The following ZNF609 variants were observed in gnomAD, a reference collection of about 807,000 sequenced individuals.
The protein encoded by ZNF609 is zinc finger protein 609.
In ZNF609, 11 loss-of-function variants were observed where a neutral mutation model predicts 109.5. The ratio of observed to expected loss-of-function variants is 0.10; its 90% CI spans 0.06 to 0.17. The LOEUF is 0.17. ZNF609 is among the 10% of genes least tolerant of loss of function. ZNF609 has a pLI of 1.00. For missense variants in ZNF609, 1,559 were observed against 1,772.4 expected (o/e 0.88, Z 2.16); for synonymous variants, 646 against 662.0 (o/e 0.98, Z 0.37).
intron 2 of ZNF609, among the ~76,000 whole-genome samples, chr15:64,573,372 T>TTTGGG (rs1420455199): frequency 7.0e-6 from 1 of 143,278 alleles, no homozygotes; most frequent in African/African-American, 2.6e-5. Flanking sequence ...TTTTTTTTTT[T>TTTGGG]GAGACGGAGT....
intron 1 of ZNF609, among the ~76,000 whole-genome samples, chr15:64,467,731 G>C (rs1171235602): frequency 6.6e-6 from 1 of 152,184 alleles, no homozygotes; most frequent in African/African-American, 2.4e-5. Context: ...TGTAGTCCCA[G>C]CTACTCGGGA....
At chr15:64,658,405 C>G (rs906217511) in intron 3 of ZNF609, among the ~76,000 whole-genome samples, 1 of 152,124 alleles carries the variant, frequency 6.6e-6, no homozygotes. Flanking sequence ...CCATGTTGAT[C>G]AGATTGGTCT....
intron 3 of ZNF609, among the ~76,000 whole-genome samples, chr15:64,649,818 C>T (rs935915501): frequency 3.9e-5 from 6 of 152,092 alleles, no homozygotes; most frequent in Non-Finnish European, 8.8e-5. Context: ...CTTTCCCTGT[C>T]CCTAGCCCAC....
intron 2 of ZNF609, among the ~76,000 whole-genome samples, chr15:64,597,361 C>G (rs1041777129): frequency 1.3e-5 from 2 of 152,112 alleles, no homozygotes; most frequent in Admixed American, 1.3e-4. Context: ...ACCACGGTAA[C>G]AAGCAGGAGG....
At chr15:64,466,116 CA>C (rs749648623) in intron 1 of ZNF609, among the ~76,000 whole-genome samples, 5,771 of 81,716 alleles carry the variant, frequency 0.071, 108 homozygotes, top group South Asian at 0.13. Context: ...AACCCTGTCT[CA>C]AAAAAAAAAA....
chr15:64,610,100 G>A (rs1263600469), intron 2 of ZNF609, among the ~76,000 whole-genome samples: 1 of 152,112 alleles, frequency 6.6e-6, no homozygotes, highest in Non-Finnish European at 1.5e-5. Context: ...ACTTTGGGAG[G>A]CCAAGGCACA....
chr15:64,461,813 G>C (rs992588331), intron 1 of ZNF609, among the ~76,000 whole-genome samples: 22 of 152,166 alleles, frequency 1.4e-4, no homozygotes, highest in Admixed American at 5.2e-4. Flanking sequence ...GTTGAGGAGA[G>C]TCCCCAAGCC....
intron 2 of ZNF609, among the ~76,000 whole-genome samples, chr15:64,589,076 T>C (rs1895251674): frequency 6.6e-6 from 1 of 152,206 alleles, no homozygotes; most frequent in Non-Finnish European, 1.5e-5. Flanking sequence ...AAATGAACAC[T>C]AGCTAGTTCC....
intron 1 of ZNF609, among the ~76,000 whole-genome samples, chr15:64,473,070 T>C (rs1893112738): frequency 6.6e-6 from 1 of 152,138 alleles, no homozygotes; most frequent in Admixed American, 6.5e-5. Context: ...TTGTTTCTAC[T>C]TGGCATATGC....
intron 6 of ZNF609, 24 bp downstream of exon 6, chr15:64,678,506 A>G (rs1485388620): frequency 6.5e-7 from 1 of 1,533,240 alleles, no homozygotes; most frequent in African/African-American, 1.4e-5. Flanking sequence ...TGCCAGCACT[A>G]TTCCATTCAC....
intron 2 of ZNF609, chr15:64,529,541 C>A: frequency 3.9e-6 from 5 of 1,274,852 alleles, no homozygotes; most frequent in Non-Finnish European, 5.6e-6. Flanking sequence ...AACATGTAGA[C>A]CATGTAGTTG....
Position 64,683,138 on chromosome 15 carries a change from G to C in ZNF609, c.*1452G>C, listed in dbSNP as rs527421864. 2.0e-5 allele frequency: 3 copies of C among 152,722 alleles called. No individual in the cohort carries two copies. The highest frequency in any genetic ancestry group is 1.3e-4 in the Admixed American group (2 of 15,302). The allele number at this position is 152,722 out of a possible 1,614,324, so 9.5% of individuals were successfully genotyped here. The stretch of plus-strand genomic sequence containing the variant: ...TCTTCCCCAAGGTGTGGGGAGCTTA[G>C]CTTACTTGGCTTTTGAGGTATCATC... On this transcript the variant is annotated 3_prime_UTR_variant, in exon 10 of 10. Transcript: ENST00000326648.
chr15:64,666,937 G>A (rs1381948305), intron 3 of ZNF609, among the ~76,000 whole-genome samples: 1 of 152,044 alleles, frequency 6.6e-6, no homozygotes, highest in Non-Finnish European at 1.5e-5. Context: ...GACCATCCTG[G>A]CTAACATGGT....
In ZNF609 at chr15:64,527,711, C is replaced by G. The variant is rs144952843; in HGVS notation, c.747+27545C>G. Among the ~76,000 whole-genome samples the G allele has an allele frequency of 7.2e-5, 11 of 152,306 alleles. No individual in the cohort carries two copies. The East Asian group carries it at 2.1e-3, about 29-fold the overall frequency. ...CTCAGTGTTAGTACTGGGAATACTTCTGCCCAGTCACCCAAACTAGAAACT... is the reference window on the plus strand; with the variant it reads ...CTCAGTGTTAGTACTGGGAATACTTGTGCCCAGTCACCCAAACTAGAAACT... On this transcript the variant is annotated intron_variant, in intron 2 of 9. Coordinates refer to ENST00000326648, the MANE Select transcript of ZNF609 (RefSeq NM_015042.2).
chr15:64,587,595 T>C (rs1314317549), intron 2 of ZNF609, among the ~76,000 whole-genome samples: 1 of 152,206 alleles, frequency 6.6e-6, no homozygotes, highest in Admixed American at 6.5e-5. Context: ...TCATTGATTA[T>C]ACTCAAAAAA....
In ZNF609 at chr15:64,673,978, T is replaced by C. The variant is rs554231035; in HGVS notation, c.1124T>C (p.Met375Thr). Residue 375 changes from methionine (M) to threonine (T), a missense_variant, in exon 5 of 10, where the codon ATG becomes ACG. Transcript: ENST00000326648. ...AATGGCCGGGGTAGAGGCAAACGCA[T>C]GCGTCCCAACAGTAATACACCTGTC... ...MRNGRGRGKR[M>T]RPNSNTPVNE... 7 of 1,614,158 alleles carry C rather than the reference T, an allele frequency of 4.3e-6. No individual in the cohort carries two copies. The highest frequency in any genetic ancestry group is 2.7e-5 in the African/African-American group (2 of 75,020).
chr15:64,622,979 T>G lies in ZNF609; in HGVS notation c.900T>G (p.Pro300=), dbSNP rs1952858230. ...NTCDVALATE[P]ECLGPCEPGT... ...GTGATGTGGCTCTGGCCACAGAGCC[T>G]GAGTGCTTGGGCCCCTGTGAACCTG... Residue 300 remains proline, a synonymous_variant, in exon 3 of 10, where the codon CCT becomes CCG. Coordinates refer to ENST00000326648, the MANE Select transcript of ZNF609 (RefSeq NM_015042.2). 1 of 1,614,272 alleles carries G rather than the reference T, an allele frequency of 6.2e-7. No homozygotes were observed. Among genetic ancestry groups the G allele is most frequent in the Admixed American group, 1.7e-5 (1 of 60,020 alleles).
chr15:64,473,608 C>G (rs1474445423), intron 1 of ZNF609, among the ~76,000 whole-genome samples: 1 of 149,806 alleles, frequency 6.7e-6, no homozygotes. Context: ...ACTAGTTAGC[C>G]TTTTTCTTTT....
chr15:64,511,322 A>C (rs1893724385), intron 2 of ZNF609, among the ~76,000 whole-genome samples: 1 of 151,898 alleles, frequency 6.6e-6, no homozygotes, highest in Admixed American at 6.6e-5. Flanking sequence ...AAATACAAAA[A>C]TTTAGCCAGG....
Sources: gnomAD v4.1 joint callset for allele counts (sites outside exome capture counted in the v4.1 genomes callset) on GRCh38, gnomAD v4.1.1 for gene constraint, MANE v1.5 for transcripts, NCBI Gene and HGNC (gene_info 2026-07-23, HGNC 2026-07-21) for gene names.